The following PTPRM variants were observed in gnomAD, a reference collection of about 807,000 sequenced individuals.
The protein encoded by PTPRM is receptor-type tyrosine-protein phosphatase mu.
Under a neutral mutation model 186.7 loss-of-function variants are expected in PTPRM, and 47 were observed. That is an observed-to-expected ratio of 0.25 (90% CI 0.20 to 0.32). The LOEUF is 0.32. Among genes scored for constraint, PTPRM ranks in the 10% least tolerant of loss-of-function variants. The pLI, the probability that PTPRM is intolerant of heterozygous loss-of-function variation, is 1.00. For synonymous variants in PTPRM, 668 were observed against 674.9 expected, an observed-to-expected ratio of 0.99 and a Z score of 0.16; for missense variants, 1,494 against 1,865.0, an observed-to-expected ratio of 0.80 and a Z score of 3.66.
At chr18:8,140,443 T>TTTG (rs1568409599) in intron 13 of PTPRM, among the ~76,000 whole-genome samples, 85 of 143,792 alleles carry the variant, frequency 5.9e-4, no homozygotes, top group African/African-American at 2.3e-3. Flanking sequence ...TTTTGAGTTT[T>TTTG]TTTGTTTGTT....
chr18:7,901,600 G>C (rs2049690448), intron 3 of PTPRM, among the ~76,000 whole-genome samples: 1 of 152,098 alleles, frequency 6.6e-6, no homozygotes, highest in Admixed American at 6.5e-5. Context: ...CCTTGACCTT[G>C]TGATCCACTC....
intron 9 of PTPRM, among the ~76,000 whole-genome samples, chr18:8,082,158 T>C (rs2090162088): frequency 2.0e-5 from 3 of 152,086 alleles, no homozygotes; most frequent in Non-Finnish European, 4.4e-5. Flanking sequence ...GTGCCAAATA[T>C]TTACTGATCA....
intron 23 of PTPRM, among the ~76,000 whole-genome samples, chr18:8,349,570 T>C (rs866288314): frequency 1.3e-5 from 2 of 152,048 alleles, no homozygotes; most frequent in East Asian, 3.8e-4. Flanking sequence ...GACATAAGCC[T>C]TACCTCCCTC....
intron 7 of PTPRM, among the ~76,000 whole-genome samples, chr18:8,015,052 A>G (rs985573002): frequency 2.0e-5 from 3 of 152,158 alleles, no homozygotes; most frequent in Admixed American, 6.5e-5. Context: ...GCCTCCTTTC[A>G]ATAACTCCAC....
chr18:7,870,289 C>T (rs1448154990), intron 2 of PTPRM, among the ~76,000 whole-genome samples: 1 of 152,108 alleles, frequency 6.6e-6, no homozygotes, highest in African/African-American at 2.4e-5. Flanking sequence ...CTCCTAACTA[C>T]CCCTGGCTGC....
chr18:7,646,621 T>G (rs952084041), intron 1 of PTPRM, among the ~76,000 whole-genome samples: 2 of 152,146 alleles, frequency 1.3e-5, no homozygotes, highest in African/African-American at 4.8e-5. Flanking sequence ...TGCATTTCAT[T>G]ATACCCATTT....
chr18:8,383,762 A>C (rs1025189998), intron 29 of PTPRM, among the ~76,000 whole-genome samples: 2 of 152,238 alleles, frequency 1.3e-5, no homozygotes, highest in Admixed American at 6.5e-5. Context: ...CAATGTTATC[A>C]GTTCCAAACC....
intron 8 of PTPRM, among the ~76,000 whole-genome samples, chr18:8,070,651 A>C (rs1046374510): frequency 6.6e-6 from 1 of 152,222 alleles, no homozygotes; most frequent in East Asian, 1.9e-4. Flanking sequence ...TTATGCCTTG[A>C]ATCTCAATGC....
intron 1 of PTPRM, among the ~76,000 whole-genome samples, chr18:7,671,056 TTAAAGA>T (rs1250327365): frequency 6.6e-6 from 1 of 152,254 alleles, no homozygotes; most frequent in Non-Finnish European, 1.5e-5. Context: ...TTTAAAGATG[TTAAAGA>T]TAAACATTTT....
At chr18:8,093,474 A>C (rs1292001155) in intron 11 of PTPRM, among the ~76,000 whole-genome samples, 1 of 152,074 alleles carries the variant, frequency 6.6e-6, no homozygotes, top group Non-Finnish European at 1.5e-5. Context: ...GAAAAATCTA[A>C]TTTTACATGA....
At chr18:8,013,825 T>C (rs975416366) in intron 7 of PTPRM, among the ~76,000 whole-genome samples, 8 of 152,342 alleles carry the variant, frequency 5.3e-5, no homozygotes, top group African/African-American at 1.7e-4. Flanking sequence ...TTCAAAAATA[T>C]CAAACTGTAG....
chr18:8,035,171 G>T (rs2086240984), intron 7 of PTPRM, among the ~76,000 whole-genome samples: 1 of 152,166 alleles, frequency 6.6e-6, no homozygotes, highest in Non-Finnish European at 1.5e-5. Context: ...TGGCTTAATA[G>T]TTTCTCAATT....
chr18:8,374,322 A>AC (rs984056772), intron 24 of PTPRM, among the ~76,000 whole-genome samples: 4 of 151,766 alleles, frequency 2.6e-5, no homozygotes, highest in African/African-American at 9.7e-5. Context: ...CTCCCCAAAA[A>AC]CCCCACACCC....
At chr18:8,029,235 C>A (rs1177271894) in intron 7 of PTPRM, among the ~76,000 whole-genome samples, 3 of 150,968 alleles carry the variant, frequency 2.0e-5, no homozygotes, top group African/African-American at 7.3e-5. Flanking sequence ...CCTCCCCCAC[C>A]TGTCCTGCCT....
At chr18:7,786,494 T>C (rs140339804) in intron 2 of PTPRM, among the ~76,000 whole-genome samples, 149 of 152,320 alleles carry the variant, frequency 9.8e-4, no homozygotes, top group Middle Eastern at 6.8e-3. Flanking sequence ...CTGTTACCCA[T>C]AGAAAATGCA....
intron 7 of PTPRM, among the ~76,000 whole-genome samples, chr18:7,997,875 A>G (rs1346451505): frequency 6.6e-6 from 1 of 152,212 alleles, no homozygotes; most frequent in African/African-American, 2.4e-5. Flanking sequence ...AGAAAGTTAT[A>G]ACAGATACTG....
At chr18:8,183,815 C>T (rs777849420) in intron 14 of PTPRM, among the ~76,000 whole-genome samples, 3 of 152,182 alleles carry the variant, frequency 2.0e-5, no homozygotes, top group Non-Finnish European at 4.4e-5. Flanking sequence ...ACATCCTCAA[C>T]CTCAGAGGTG....
chr18:8,208,003 A>C (rs2093953018), intron 14 of PTPRM, among the ~76,000 whole-genome samples: 1 of 152,208 alleles, frequency 6.6e-6, no homozygotes, highest in South Asian at 2.1e-4. Context: ...AAAAAAGAAA[A>C]CTTTAAGCAT....
At chr18:7,587,540 A>G (rs911812644) in intron 1 of PTPRM, among the ~76,000 whole-genome samples, 6 of 152,122 alleles carry the variant, frequency 3.9e-5, no homozygotes, top group African/African-American at 1.2e-4. Context: ...TTGCCCAGTT[A>G]TGCACCCTCT....
Sources: allele counts gnomAD v4.1 joint callset (sites outside exome capture counted in the v4.1 genomes callset), GRCh38; gene constraint gnomAD v4.1.1; transcripts MANE v1.5; gene names NCBI Gene and HGNC (gene_info 2026-07-23, HGNC 2026-07-21).